APOBEC3A: variants seen among roughly 807,000 people sequenced by gnomAD.
The protein encoded by APOBEC3A is DNA dC->dU-editing enzyme APOBEC-3A.
A neutral mutation model predicts 23.0 loss-of-function variants in APOBEC3A; 13 were observed. The ratio of observed to expected loss-of-function variants is 0.57; its 90% CI spans 0.37 to 0.90. The LOEUF is 0.90. Ranked by LOEUF, APOBEC3A falls within the 40% of genes least tolerant of loss-of-function variation. The pLI is 0.01. For missense variants in APOBEC3A, 179 were observed against 264.9 expected, an observed-to-expected ratio of 0.68 and a Z score of 2.25; for synonymous variants, 74 against 101.3, an observed-to-expected ratio of 0.73 and a Z score of 1.62.
In APOBEC3A at chr22:38,959,561, A is replaced by G. The variant is rs1214582183; in HGVS notation, c.49A>G (p.Ile17Val). 1.9e-6 allele frequency: 3 copies of G among 1,613,954 alleles called. No individual in the cohort carries two copies. The highest frequency in any genetic ancestry group is 1.7e-6 in the Non-Finnish European group (2 of 1,179,982). ...SGPRHLMDPH[I>V]FTSNFNNGIG... The stretch of plus-strand genomic sequence containing the variant: ...CCACAGACACTTGATGGATCCACAC[A>G]TATTCACTTCCAACTTTAACAATGG... The change falls in exon 2 of 5, where the codon ATA (isoleucine) becomes GTA (valine). Residue 17 changes from isoleucine to valine, a missense_variant. Physicochemically the swap from Ile to Val is conservative, Grantham distance 29 (BLOSUM62 3). This residue lies in a region of APOBEC3A where 87 missense variants were observed against 74.5 expected (regional missense o/e 1.17). Coordinates refer to ENST00000249116, the MANE Select transcript of APOBEC3A (RefSeq NM_145699.4).
At chr22:38,959,889 A>G (rs1024184715) in intron 2 of APOBEC3A, among the ~76,000 whole-genome samples, 6 of 152,234 alleles carry the variant, frequency 3.9e-5, no homozygotes, top group African/African-American at 1.2e-4. Flanking sequence ...AGTCTGCCCA[A>G]TGGCAAAGTG....
chr22:38,957,808 T>C, intron 1 of APOBEC3A, 88 bp downstream of exon 1: 1 of 1,520,200 alleles, frequency 6.6e-7, no homozygotes, highest in Non-Finnish European at 8.9e-7. Flanking sequence ...CTCAAACCCC[T>C]GGGGCCTCTC....
At chr22:38,959,728 A>C (rs201903595) in intron 2 of APOBEC3A, 42 bp downstream of exon 2, 589 of 1,596,918 alleles carry the variant, frequency 3.7e-4, no homozygotes, top group Non-Finnish European at 4.8e-4. Context: ...GGCCCTTCCA[A>C]TCCAGGGACA....
At position 38,962,229 on chromosome 22, in the gene APOBEC3A, C is replaced by T; in HGVS notation, c.585+16C>T. ...CATTCTCCAGGTGAGGGCTTCCTCC[C>T]TCTGCCCGGTGCCCCATCGGCCTCC... On this transcript the variant is annotated intron_variant, in intron 4 of 4. Transcript: ENST00000249116. The T allele has an allele frequency of 6.2e-7, 1 of 1,613,680 alleles. No individual in the cohort carries two copies. Among genetic ancestry groups the T allele is most frequent in the African/African-American group, 1.3e-5 (1 of 74,828 alleles).
intron 1 of APOBEC3A, among the ~76,000 whole-genome samples, chr22:38,957,935 G>A (rs1922643715): frequency 6.6e-6 from 1 of 152,148 alleles, no homozygotes; most frequent in Non-Finnish European, 1.5e-5. Flanking sequence ...ACCTCCCGGG[G>A]CAGGTGCACA....
At chr22:38,959,823 C>T (rs1383113560) in intron 2 of APOBEC3A, 137 bp downstream of exon 2, 20 of 1,281,432 alleles carry the variant, frequency 1.6e-5, no homozygotes, top group African/African-American at 3.0e-5. Context: ...GCTGCTTGGC[C>T]CTGGGGTTGG....
rs1244702799 is a variant in APOBEC3A at position 38,962,435 on chromosome 22, C to G, written c.586-60C>G. The G allele has an allele frequency of 1.9e-5, 30 of 1,583,714 alleles. No homozygotes were observed. In the South Asian group the frequency reaches 2.1e-4, roughly 11 times the overall value. On this transcript the variant is annotated intron_variant, in intron 4 of 4. Coordinates refer to ENST00000249116, the MANE Select transcript of APOBEC3A (RefSeq NM_145699.4). ...CATTGTCACTGTCCCCAGGCCACCTCCCTGTGCCCTCTTTCCACTCTCTCA... is the reference window on the plus strand; with the variant it reads ...CATTGTCACTGTCCCCAGGCCACCTGCCTGTGCCCTCTTTCCACTCTCTCA...
At chr22:38,961,747 G>C in intron 3 of APOBEC3A, 66 bp downstream of exon 3, 1 of 1,154,468 alleles carries the variant, frequency 8.7e-7, no homozygotes, top group Non-Finnish European at 1.2e-6. Context: ...GGAAGAAAAG[G>C]AGAAAGGCCT....
At chr22:38,961,314 C>T in intron 2 of APOBEC3A, 73 bp from the exon 3 acceptor site, 3 of 939,294 alleles carry the variant, frequency 3.2e-6, no homozygotes, top group Non-Finnish European at 4.6e-6. Context: ...CCCCCGCCTC[C>T]CCAGCCCCAC....
At chr22:38,958,316 TTCTC>T (rs199853737) in intron 1 of APOBEC3A, among the ~76,000 whole-genome samples, 53 of 150,408 alleles carry the variant, frequency 3.5e-4, no homozygotes, top group South Asian at 8.5e-4. Flanking sequence ...CTTCCTTCAA[TTCTC>T]TCTCTCTTTC....
intron 1 of APOBEC3A, among the ~76,000 whole-genome samples, chr22:38,958,291 CTCCT>C (rs534867653): frequency 0.012 from 1,807 of 149,938 alleles, 29 homozygotes; most frequent in African/African-American, 0.037. Flanking sequence ...TCCTTCCTTC[CTCCT>C]TCCTTCCTTC....
Position 38,962,594 on chromosome 22 carries a change from C to A in APOBEC3A, c.*85C>A. The A allele has an allele frequency of 7.0e-6, 11 of 1,579,828 alleles. No homozygotes were observed. The highest frequency in any genetic ancestry group is 9.5e-6 in the Non-Finnish European group (11 of 1,163,660). ...TCTTCTTCCAAGAAATGCAAACAGA[C>A]CGTTCACCACCATCTCCAGCTGCTC... is the stretch of plus-strand genomic sequence containing the variant. On this transcript the variant is annotated 3_prime_UTR_variant, in exon 5 of 5. Coordinates refer to ENST00000249116, the MANE Select transcript of APOBEC3A (RefSeq NM_145699.4).
chr22:38,960,587 C>T (rs1603264030), intron 2 of APOBEC3A, among the ~76,000 whole-genome samples: 1 of 152,334 alleles, frequency 6.6e-6, no homozygotes, highest in Middle Eastern at 3.4e-3. Flanking sequence ...GAGTAAATAC[C>T]ATATTTCTAT....
chr22:38,958,668 T>G (rs1157396098), intron 1 of APOBEC3A, among the ~76,000 whole-genome samples: 1 of 149,958 alleles, frequency 6.7e-6, no homozygotes, highest in African/African-American at 2.5e-5. Flanking sequence ...CTTTCCTTCT[T>G]TCTTTCTTTT....
rs768628534 is a variant in APOBEC3A, at chr22:38,962,200, G to A, written c.572G>A (p.Arg191Gln). 2.4e-5 allele frequency: 39 copies of A among 1,613,452 alleles called. No individual in the cohort carries two copies. Among genetic ancestry groups the A allele is most frequent in the African/African-American group, 4.0e-5 (3 of 74,692 alleles). Residue 191 changes from arginine (R) to glutamine (Q), a missense_variant, in exon 4 of 5, where the codon CGG becomes CAG. This residue lies in a region of APOBEC3A where 37 missense variants were observed against 43.1 expected (regional missense o/e 0.86). Transcript: ENST00000249116. ...EHSQALSGRL[R>Q]AILQNQGN ...AGCCAAGCCCTGAGTGGGAGGCTGCGGGCCATTCTCCAGGTGAGGGCTTCC... is the reference window on the plus strand; with the variant it reads ...AGCCAAGCCCTGAGTGGGAGGCTGCAGGCCATTCTCCAGGTGAGGGCTTCC...
At position 38,962,539 on chromosome 22, in the gene APOBEC3A, G is replaced by C. The variant is rs375240008; in HGVS notation, c.*30G>C. On this transcript the variant is annotated 3_prime_UTR_variant, in exon 5 of 5. Coordinates refer to ENST00000249116, the MANE Select transcript of APOBEC3A (RefSeq NM_145699.4). ...TGGGCCTCAGTCTCTAAGGAAGGCAGAGACCTGGGTTGAGCAGCAGAATAA... is the reference window on the plus strand; with the variant it reads ...TGGGCCTCAGTCTCTAAGGAAGGCACAGACCTGGGTTGAGCAGCAGAATAA... 935 of 1,556,102 alleles carry C rather than the reference G, an allele frequency of 6.0e-4. 4 individuals carry two copies. Among genetic ancestry groups the C allele is most frequent in the South Asian group, 1.7e-3 (143 of 84,554 alleles).
chr22:38,960,169 G>A (rs1469998695), intron 2 of APOBEC3A, among the ~76,000 whole-genome samples: 1 of 152,120 alleles, frequency 6.6e-6, no homozygotes, highest in East Asian at 1.9e-4. Context: ...GGAGGAGCTG[G>A]GCCAGGCCAG....
intron 1 of APOBEC3A, among the ~76,000 whole-genome samples, chr22:38,958,326 CTT>C (rs372198297): frequency 6.7e-6 from 1 of 150,018 alleles, no homozygotes; most frequent in Non-Finnish European, 1.5e-5. Flanking sequence ...TTCTCTCTCT[CTT>C]TCTTTCTTCT....
chr22:38,957,712 C>T lies in APOBEC3A; in HGVS notation c.21C>T (p.Ser7=), dbSNP rs748646311. 2.1e-5 allele frequency: 34 copies of T among 1,612,380 alleles called. No individual in the cohort carries two copies. Among genetic ancestry groups the T allele is most frequent in the Admixed American group, 1.2e-4 (7 of 59,846 alleles). ...AGCACATGGAAGCCAGCCCAGCATC[C>T]GGGCCCAGGTATGGGAAGCCCCTCC... The part of the protein sequence containing the change: MEASPA[S]GPRHLMDPHI... Residue 7 remains serine, a synonymous_variant, in exon 1 of 5, where the codon TCC becomes TCT. Coordinates refer to ENST00000249116, the MANE Select transcript of APOBEC3A (RefSeq NM_145699.4).
Sources: allele counts gnomAD v4.1 joint callset (sites outside exome capture counted in the v4.1 genomes callset), GRCh38; gene constraint gnomAD v4.1.1; regional missense constraint gnomAD v4.1.1; transcripts MANE v1.5; gene names NCBI Gene and HGNC (gene_info 2026-07-23, HGNC 2026-07-21).